Variants in ANKRD30A observed in about 807,000 individuals in gnomAD.
ANKRD30A encodes ankyrin repeat domain-containing protein 30A.
ANKRD30A carries 170 observed loss-of-function variants against 166.3 expected under a neutral mutation model. The observed-to-expected ratio is 1.02, with a 90% CI of 0.90 to 1.16. ANKRD30A has a LOEUF of 1.16. ANKRD30A is among the 50% of genes most tolerant of loss of function. The pLI is 0.00. For synonymous variants in ANKRD30A, 564 were observed against 508.9 expected (o/e 1.11, Z -1.46); for missense variants, 1,630 against 1,518.0 (o/e 1.07, Z -1.23).
Position 37,193,260 on chromosome 10 carries a change from T to C in ANKRD30A, c.2614+2T>C. The C allele has an allele frequency of 6.2e-7, 1 of 1,605,588 alleles. No individual in the cohort carries two copies. The highest frequency in any genetic ancestry group is 1.1e-5 in the South Asian group (1 of 88,334). On this transcript the variant is annotated splice_donor_variant, in intron 27 of 35. Coordinates refer to ENST00000361713, the MANE Select transcript of ANKRD30A (RefSeq NM_052997.3). LOFTEE classifies it high-confidence loss of function. ...TGGACATGCAAACTTTCAAAGCAGG[T>C]AAATTTTGTAATTTTAATTTTACTC...
intron 27 of ANKRD30A, among the ~76,000 whole-genome samples, chr10:37,196,390 ATT>A (rs1394394813): frequency 1.3e-5 from 2 of 152,116 alleles, no homozygotes; most frequent in African/African-American, 4.8e-5. Context: ...AATGAGATAT[ATT>A]GGAAACTAAG....
chr10:37,256,936 T>G, the ANKRD30A span, among the ~76,000 whole-genome samples: 1 of 152,206 alleles, frequency 6.6e-6, no homozygotes, highest in Non-Finnish European at 1.5e-5. Flanking sequence ...TCCTTTCTTT[T>G]CTTTTGTTTG....
rs772497987 is a variant in ANKRD30A, at chr10:37,217,714, G to T, written c.3103G>T (p.Glu1035Ter). ...CSVRLTLNQE[E>*]EKRRNADILN... is the part of the protein sequence containing the mutation. ...TGGCAGATTGACTTTAAACCAAGAA[G>T]AAGAGAAGAGAAGAAATGCCGATAT... Residue 1035 changes from glutamate to a stop codon, truncating the protein, a stop_gained, in exon 33 of 36, where the codon GAA becomes TAA. Coordinates refer to ENST00000361713, the MANE Select transcript of ANKRD30A (RefSeq NM_052997.3). LOFTEE classifies it high-confidence loss of function. 1.3e-6 allele frequency: 2 copies of T among 1,567,540 alleles called. No individual in the cohort carries two copies. The highest frequency in any genetic ancestry group is 2.0e-5 in the Admixed American group (1 of 51,018).
chr10:37,133,535 C>T (rs943417592), intron 4 of ANKRD30A, among the ~76,000 whole-genome samples: 2 of 152,126 alleles, frequency 1.3e-5, no homozygotes, highest in Non-Finnish European at 2.9e-5. Flanking sequence ...ATCATTATTC[C>T]TAATATTGTT....
intron 34 of ANKRD30A, among the ~76,000 whole-genome samples, chr10:37,220,228 GT>G (rs1842840015): frequency 6.6e-6 from 1 of 150,486 alleles, no homozygotes; most frequent in South Asian, 2.1e-4. Context: ...TGAAATAAAG[GT>G]TTTAATGTCT....
intron 34 of ANKRD30A, among the ~76,000 whole-genome samples, chr10:37,226,714 A>G (rs2132759857): frequency 6.6e-6 from 1 of 151,920 alleles, no homozygotes; most frequent in African/African-American, 2.4e-5. Flanking sequence ...TATACTTATG[A>G]GTGGAATTGC....
At chr10:37,190,227 A>C (rs948176140) in intron 25 of ANKRD30A, among the ~76,000 whole-genome samples, 1 of 151,876 alleles carries the variant, frequency 6.6e-6, no homozygotes. Flanking sequence ...ATTCACACTG[A>C]GATTCAGCCG....
the ANKRD30A span, among the ~76,000 whole-genome samples, chr10:37,264,893 A>G: frequency 6.6e-6 from 1 of 152,342 alleles, no homozygotes; most frequent in East Asian, 1.9e-4. Flanking sequence ...CTTACCTGGC[A>G]TGTCCACATT....
At chr10:37,165,977 A>T (rs952465796) in intron 18 of ANKRD30A, among the ~76,000 whole-genome samples, 3 of 152,124 alleles carry the variant, frequency 2.0e-5, no homozygotes, top group Non-Finnish European at 4.4e-5. Flanking sequence ...TCTTTCATTT[A>T]GATGTGACAT....
At chr10:37,179,013 AATATATAT>A (rs139390228) in intron 24 of ANKRD30A, among the ~76,000 whole-genome samples, 6,691 of 115,748 alleles carry the variant, frequency 0.058, 21 homozygotes, top group East Asian at 0.15. Flanking sequence ...TGAGGCGTCA[AATATATAT>A]ATATATATAT....
rs1366758512 is a variant in ANKRD30A at position 37,130,552 on chromosome 10, TAGAG to T, written c.510+177_510+180del. The stretch of plus-strand genomic sequence containing the variant: ...ATATTAATGTTTTTACAAGAACTAT[TAGAG>T]AGTATGGATTTTCTCTGCATTTATG... On this transcript the variant is annotated intron_variant, in intron 3 of 35. Transcript: ENST00000361713. Among the ~76,000 whole-genome samples the T allele has an allele frequency of 3.9e-5, 6 of 152,356 alleles. No individual in the cohort carries two copies. In the East Asian group the frequency reaches 9.6e-4, roughly 24 times the overall value.
chr10:37,183,186 T>C (rs574814580), intron 24 of ANKRD30A, among the ~76,000 whole-genome samples: 3 of 149,344 alleles, frequency 2.0e-5, no homozygotes, highest in South Asian at 4.3e-4. Flanking sequence ...AATACACGAA[T>C]TGGAAAAGTC....
At chr10:37,224,648 C>T (rs1843058059) in intron 34 of ANKRD30A, among the ~76,000 whole-genome samples, 1 of 151,516 alleles carries the variant, frequency 6.6e-6, no homozygotes, top group Non-Finnish European at 1.5e-5. Context: ...TTGCTGAGAA[C>T]TTTAATTTGT....
At chr10:37,204,450 C>A (rs920638621) in intron 31 of ANKRD30A, among the ~76,000 whole-genome samples, 3 of 152,200 alleles carry the variant, frequency 2.0e-5, no homozygotes, top group Non-Finnish European at 4.4e-5. Flanking sequence ...TTCCTTACAA[C>A]TTATACAAAA....
the ANKRD30A span, chr10:37,241,356 A>AT: frequency 6.6e-6 from 1 of 150,976 alleles, no homozygotes; most frequent in African/African-American, 2.4e-5. Context: ...GCTTTTAATG[A>AT]TTTTTTAATT....
chr10:37,193,496 C>T (rs918728774), intron 27 of ANKRD30A, among the ~76,000 whole-genome samples: 24 of 151,932 alleles, frequency 1.6e-4, no homozygotes, highest in Non-Finnish European at 2.6e-4. Context: ...ATGTCCTGAT[C>T]GGATAAAGTT....
At chr10:37,154,667 T>G (rs1447767775) in intron 13 of ANKRD30A, among the ~76,000 whole-genome samples, 2 of 152,166 alleles carry the variant, frequency 1.3e-5, no homozygotes, top group Non-Finnish European at 2.9e-5. Context: ...AGTCTAGAGA[T>G]TATTTTTGCT....
intron 21 of ANKRD30A, among the ~76,000 whole-genome samples, chr10:37,172,168 A>C (rs1839620946): frequency 1.0e-5 from 1 of 99,658 alleles, no homozygotes; most frequent in African/African-American, 4.3e-5. Context: ...ACGCGGTGAA[A>C]CCCTGTCTCT....
At chr10:37,204,514 C>T (rs1841860709) in intron 31 of ANKRD30A, among the ~76,000 whole-genome samples, 1 of 152,044 alleles carries the variant, frequency 6.6e-6, no homozygotes, top group Non-Finnish European at 1.5e-5. Context: ...CCATAAAAAC[C>T]CTAGAAGAAA....
Sources: gnomAD v4.1 joint callset for allele counts (sites outside exome capture counted in the v4.1 genomes callset) on GRCh38, gnomAD v4.1.1 for gene constraint, MANE v1.5 for transcripts, NCBI Gene and HGNC (gene_info 2026-07-23, HGNC 2026-07-21) for gene names.